Variants in CSMD1 observed in about 807,000 individuals in gnomAD.
The protein encoded by CSMD1 is CUB and sushi domain-containing protein 1.
Under a neutral mutation model 417.5 loss-of-function variants are expected in CSMD1, and 213 were observed. The ratio of observed to expected loss-of-function variants is 0.51; its 90% CI spans 0.46 to 0.57. CSMD1 has a LOEUF of 0.57. CSMD1 is among the 20% of genes least tolerant of loss of function. The pLI is 0.00. For synonymous variants in CSMD1, 2,862 were observed against 1,736.8 expected, an observed-to-expected ratio of 1.65 and a Z score of -16.11; for missense variants, 6,923 against 4,529.7, an observed-to-expected ratio of 1.53 and a Z score of -15.17.
intron 50 of CSMD1, among the ~76,000 whole-genome samples, chr8:3,051,164 G>A (rs775079061): frequency 4.6e-5 from 7 of 152,234 alleles, no homozygotes; most frequent in East Asian, 1.9e-4. Context: ...TCACTGCAGC[G>A]CTATTCACAA....
rs1303829660 is a variant in CSMD1, at chr8:3,307,825, T to C, written c.3824-4A>G. 3 of 1,610,164 alleles carry C rather than the reference T, an allele frequency of 1.9e-6. No individual in the cohort carries two copies. The highest frequency in any genetic ancestry group is 2.2e-5 in the East Asian group (1 of 44,822). ...TGGATCTGACCACCACATTCCGCTG[T>C]AGAAGACACAGAGAGATGGGAACGT... On this transcript the variant is annotated splice_region_variant and splice_polypyrimidine_tract_variant and intron_variant, in intron 24 of 69. Coordinates refer to ENST00000635120, the MANE Select transcript of CSMD1 (RefSeq NM_033225.6).
chr8:4,036,803 G>A (rs1449193115), intron 3 of CSMD1, among the ~76,000 whole-genome samples: 1 of 152,212 alleles, frequency 6.6e-6, no homozygotes, highest in East Asian at 1.9e-4. Context: ...TAACATGGAT[G>A]AGAAAAATAA....
At chr8:3,875,142 G>A (rs929528170) in intron 5 of CSMD1, among the ~76,000 whole-genome samples, 3 of 152,178 alleles carry the variant, frequency 2.0e-5, no homozygotes, top group South Asian at 2.1e-4. Flanking sequence ...GAAATTACTC[G>A]ATGTAAAATG....
In CSMD1 at chr8:4,112,063, T is replaced by C. The variant is rs146101584; in HGVS notation, c.416-79964A>G. Among the ~76,000 whole-genome samples, 43 of 152,302 alleles carry C rather than the reference T, an allele frequency of 2.8e-4. No individual in the cohort carries two copies. The East Asian group carries it at 8.1e-3, about 29-fold the overall frequency. ...CTTTATGTTAACATTTGCAATTTTG[T>C]CTGAGGCTAGTCTTGAAATAAAAGG... On this transcript the variant is annotated intron_variant, in intron 3 of 69. Coordinates refer to ENST00000635120, the MANE Select transcript of CSMD1 (RefSeq NM_033225.6).
chr8:3,177,290 T>C (rs1274100191), intron 37 of CSMD1, among the ~76,000 whole-genome samples: 1 of 152,074 alleles, frequency 6.6e-6, no homozygotes, highest in East Asian at 1.9e-4. Context: ...CAGGGGGCTA[T>C]AAGAAAGCCT....
chr8:3,685,135 G>A (rs1194683024), intron 7 of CSMD1, among the ~76,000 whole-genome samples: 2 of 152,112 alleles, frequency 1.3e-5, no homozygotes, highest in African/African-American at 4.8e-5. Flanking sequence ...TTTTTAAAGT[G>A]TTTTGATGTC....
chr8:3,066,206 A>T (rs1034917745), intron 49 of CSMD1, among the ~76,000 whole-genome samples: 1 of 152,218 alleles, frequency 6.6e-6, no homozygotes, highest in African/African-American at 2.4e-5. Context: ...CCGCTTCATT[A>T]ACTTTTCTAC....
chr8:3,010,518 G>A (rs773098028), intron 52 of CSMD1, among the ~76,000 whole-genome samples: 25 of 152,080 alleles, frequency 1.6e-4, no homozygotes, highest in Non-Finnish European at 1.8e-4. Context: ...TTTCAGGCAA[G>A]TCCGACTTCC....
At chr8:3,911,772 G>C (rs955288523) in intron 5 of CSMD1, among the ~76,000 whole-genome samples, 1 of 151,992 alleles carries the variant, frequency 6.6e-6, no homozygotes, top group South Asian at 2.1e-4. Flanking sequence ...CATCTCACCA[G>C]CCTCATTTCT....
At chr8:4,843,025 T>C (rs1281787448) in intron 1 of CSMD1, among the ~76,000 whole-genome samples, 1 of 152,192 alleles carries the variant, frequency 6.6e-6, no homozygotes, top group African/African-American at 2.4e-5. Context: ...GACTCTAACA[T>C]CAACTGAGTG....
At chr8:4,609,349 C>A (rs1481142135) in intron 2 of CSMD1, among the ~76,000 whole-genome samples, 1 of 152,064 alleles carries the variant, frequency 6.6e-6, no homozygotes, top group Non-Finnish European at 1.5e-5. Context: ...TGTAGTGAGC[C>A]GAGACTGCGT....
intron 3 of CSMD1, among the ~76,000 whole-genome samples, chr8:4,158,904 A>G (rs1343752691): frequency 6.6e-6 from 1 of 152,124 alleles, no homozygotes; most frequent in Non-Finnish European, 1.5e-5. Flanking sequence ...GAAAAGAAAG[A>G]TTATCTTTCT....
intron 2 of CSMD1, among the ~76,000 whole-genome samples, chr8:4,477,420 T>C (rs935193316): frequency 1.1e-4 from 17 of 152,200 alleles, no homozygotes; most frequent in African/African-American, 3.6e-4. Flanking sequence ...CTGAGCAAAA[T>C]TGGGGGGCTC....
chr8:3,344,210 G>T (rs535369031), intron 22 of CSMD1, among the ~76,000 whole-genome samples: 1 of 152,254 alleles, frequency 6.6e-6, no homozygotes, highest in African/African-American at 2.4e-5. Flanking sequence ...GGGAGCAGTG[G>T]GTCTGTGTCA....
chr8:4,828,770 T>C (rs1165377167), intron 1 of CSMD1, among the ~76,000 whole-genome samples: 4 of 152,164 alleles, frequency 2.6e-5, no homozygotes, highest in African/African-American at 4.8e-5. Flanking sequence ...TCCTCATGCC[T>C]CAGTTTCTTT....
At position 4,131,850 on chromosome 8, in the gene CSMD1, T is replaced by C. The variant is rs1021349869; in HGVS notation, c.416-99751A>G. On this transcript the variant is annotated intron_variant, in intron 3 of 69. Transcript: ENST00000635120. ...CGATCCCGGCTCACTGCAAGCTCCATCTCCCAGGTTCACGCCATTCTCCTG... is the reference window on the plus strand; with the variant it reads ...CGATCCCGGCTCACTGCAAGCTCCACCTCCCAGGTTCACGCCATTCTCCTG... 1.8e-4 allele frequency among the ~76,000 whole-genome samples: 24 copies of C among 134,416 alleles called. 1 individual carries two copies. The highest frequency in any genetic ancestry group is 6.6e-4 in the African/African-American group (24 of 36,448). The allele number at this position is 134,416 out of a possible 152,430, so 88.2% of individuals were successfully genotyped here.
intron 3 of CSMD1, among the ~76,000 whole-genome samples, chr8:4,048,906 T>G (rs2554551): frequency 1.3e-5 from 2 of 151,796 alleles, no homozygotes; most frequent in Non-Finnish European, 2.9e-5. Context: ...AATAGTCTAT[T>G]TGCTAATTTT....
At chr8:3,057,454 G>C (rs1254465696) in intron 49 of CSMD1, among the ~76,000 whole-genome samples, 1 of 152,116 alleles carries the variant, frequency 6.6e-6, no homozygotes, top group Non-Finnish European at 1.5e-5. Context: ...GCAGGTATGT[G>C]TGTGTGTTTG....
intron 8 of CSMD1, among the ~76,000 whole-genome samples, chr8:3,591,884 T>C (rs111205004): frequency 9.9e-5 from 15 of 152,130 alleles, no homozygotes; most frequent in African/African-American, 3.4e-4. Context: ...GATGGATAGA[T>C]GACAGATAGC....
Sources: allele counts gnomAD v4.1 joint callset (sites outside exome capture counted in the v4.1 genomes callset), GRCh38; gene constraint gnomAD v4.1.1; transcripts MANE v1.5; gene names NCBI Gene and HGNC (gene_info 2026-07-23, HGNC 2026-07-21).